RANBP17: variants seen among roughly 807,000 people sequenced by gnomAD.
RANBP17 encodes RAN binding protein 17, also known as ran-binding protein 17.
In RANBP17, 158 loss-of-function variants were observed where a neutral mutation model predicts 141.2. The ratio of observed to expected loss-of-function variants is 1.12; its 90% CI spans 0.98 to 1.28. The LOEUF (loss-of-function observed/expected upper bound fraction) is 1.28, where lower values mean the gene tolerates loss of function less well. RANBP17 is among the 50% of genes most tolerant of loss of function. The pLI, the probability that RANBP17 is intolerant of heterozygous loss-of-function variation, is 0.00. For synonymous variants in RANBP17, 430 were observed against 450.0 expected (o/e 0.96, Z 0.56); for missense variants, 1,438 against 1,290.7 (o/e 1.11, Z -1.75).
intron 14 of RANBP17, among the ~76,000 whole-genome samples, chr5:171,020,437 G>T (rs1024429423): frequency 2.6e-5 from 4 of 152,136 alleles, no homozygotes; most frequent in African/African-American, 4.8e-5. Flanking sequence ...CTCATTTTGT[G>T]AATCTCAGTG....
In RANBP17 at chr5:171,192,403, G is replaced by C. The variant is rs1488241474; in HGVS notation, c.2039-7267G>C. ...GCTAGACAGTCCAGAGCACCCCAGG[G>C]AATGAGATGTTTCATGGATGAGACT... On this transcript the variant is annotated intron_variant, in intron 18 of 27. Coordinates refer to ENST00000523189, the MANE Select transcript of RANBP17 (RefSeq NM_022897.5). 3.3e-5 allele frequency among the ~76,000 whole-genome samples: 5 copies of C among 152,272 alleles called. No individual in the cohort carries two copies. In the East Asian group the frequency reaches 9.6e-4, roughly 29 times the overall value.
At chr5:170,984,549 C>G (rs943711079) in intron 14 of RANBP17, among the ~76,000 whole-genome samples, 1 of 151,940 alleles carries the variant, frequency 6.6e-6, no homozygotes, top group Non-Finnish European at 1.5e-5. Flanking sequence ...TCACTTGAGT[C>G]CAGGAGTTTC....
At chr5:171,037,637 A>T (rs570667898) in intron 14 of RANBP17, among the ~76,000 whole-genome samples, 1 of 152,024 alleles carries the variant, frequency 6.6e-6, no homozygotes, top group African/African-American at 2.4e-5. Context: ...AGCTACATAT[A>T]GCTAGCCAAC....
rs531471981 is a variant in RANBP17 at position 171,115,133 on chromosome 5, G to C, written c.1711-54997G>C. On this transcript the variant is annotated intron_variant, in intron 14 of 27. Coordinates refer to ENST00000523189, the MANE Select transcript of RANBP17 (RefSeq NM_022897.5). ...AAAAAAAACAAAAACTTTATGTTAGGGGAGATAAAAAAAGAAAACAAATGA... is the reference window on the plus strand; with the variant it reads ...AAAAAAAACAAAAACTTTATGTTAGCGGAGATAAAAAAAGAAAACAAATGA... 4.8e-3 allele frequency among the ~76,000 whole-genome samples: 727 copies of C among 152,036 alleles called. 9 individuals are homozygous for C. Among genetic ancestry groups the C allele is most frequent in the African/African-American group, 0.013 (533 of 41,482 alleles).
At position 170,894,449 on chromosome 5, in the gene RANBP17, A is replaced by G. The variant is rs1317799893; in HGVS notation, c.424-1601A>G. Among the ~76,000 whole-genome samples, 9 of 145,594 alleles carry G rather than the reference A, an allele frequency of 6.2e-5. No homozygotes were observed. The South Asian group carries it at 1.8e-3, about 29-fold the overall frequency. ...ATGTTTTAGCTTGAAAGTTTATTAT[A>G]TAATAGTATCACCATAGAATAGTTA... On this transcript the variant is annotated intron_variant, in intron 4 of 27. Transcript: ENST00000523189.
intron 20 of RANBP17, among the ~76,000 whole-genome samples, chr5:171,210,221 A>C (rs1276574423): frequency 6.6e-6 from 1 of 152,148 alleles, no homozygotes; most frequent in African/African-American, 2.4e-5. Context: ...TTAAACTCCT[A>C]GAGTGGGTTC....
chr5:170,944,565 G>A (rs916169575), intron 12 of RANBP17, among the ~76,000 whole-genome samples: 1 of 152,164 alleles, frequency 6.6e-6, no homozygotes, highest in Admixed American at 6.5e-5. Flanking sequence ...ACTGCAACCA[G>A]CTCCAATAAT....
intron 7 of RANBP17, among the ~76,000 whole-genome samples, chr5:170,913,495 A>C (rs1771697064): frequency 6.6e-6 from 1 of 152,094 alleles, no homozygotes. Flanking sequence ...AAGTCCAGCG[A>C]GTATTAGAAA....
chr5:171,001,259 T>G (rs1779183178), intron 14 of RANBP17, among the ~76,000 whole-genome samples: 1 of 152,146 alleles, frequency 6.6e-6, no homozygotes, highest in African/African-American at 2.4e-5. Context: ...GGAGCGTTTG[T>G]CATATCGAAT....
rs1775377232 is a variant in RANBP17, at chr5:170,953,636, T to C, written c.1508T>C (p.Val503Ala). The C allele has an allele frequency of 5.6e-6, 9 of 1,612,252 alleles. No homozygotes were observed. The highest frequency in any genetic ancestry group is 1.1e-5 in the South Asian group (1 of 90,984). ...CTGGTATACTTAGTTGGGACAGTTGTAGGAGGAAGATTAACATATACCAGT... is the reference window on the plus strand; with the variant it reads ...CTGGTATACTTAGTTGGGACAGTTGCAGGAGGAAGATTAACATATACCAGT... ...AWLVYLVGTVVGGRLTYTSTD... is the reference protein window; with the variant it reads ...AWLVYLVGTVAGGRLTYTSTD... The change falls in exon 13 of 28, where the codon GTA (valine) becomes GCA (alanine). Residue 503 changes from valine to alanine, a missense_variant. By Grantham distance (64) the Val-to-Ala change is moderately conservative (BLOSUM62 0). Coordinates refer to ENST00000523189, the MANE Select transcript of RANBP17 (RefSeq NM_022897.5).
Position 171,081,913 on chromosome 5 carries a change from G to A in RANBP17, c.1711-88217G>A, listed in dbSNP as rs187330668. On this transcript the variant is annotated intron_variant, in intron 14 of 27. Coordinates refer to ENST00000523189, the MANE Select transcript of RANBP17 (RefSeq NM_022897.5). ...TTAGAGCAGTCACTTAATGTTTGTC[G>A]TTTTTCATTTCCTTATTAAAACTGA... Among the ~76,000 whole-genome samples the A allele has an allele frequency of 6.6e-5, 10 of 151,996 alleles. No individual in the cohort carries two copies. The East Asian group carries it at 1.9e-3, about 29-fold the overall frequency.
intron 14 of RANBP17, among the ~76,000 whole-genome samples, chr5:171,119,232 T>C (rs536771809): frequency 5.3e-5 from 8 of 152,328 alleles, no homozygotes; most frequent in Middle Eastern, 3.4e-3. Flanking sequence ...TAAATCCCAC[T>C]TGATTATGGT....
chr5:170,936,831 G>A (rs1419476015), intron 12 of RANBP17, among the ~76,000 whole-genome samples: 1 of 152,096 alleles, frequency 6.6e-6, no homozygotes, highest in Non-Finnish European at 1.5e-5. Flanking sequence ...TATGATTGTG[G>A]AATTGTTTAT....
intron 18 of RANBP17, among the ~76,000 whole-genome samples, chr5:171,188,578 A>G (rs1028156592): frequency 6.6e-6 from 1 of 152,232 alleles, no homozygotes; most frequent in African/African-American, 2.4e-5. Context: ...TGCTCTTTTA[A>G]TAACACGGTC....
intron 14 of RANBP17, among the ~76,000 whole-genome samples, chr5:170,982,705 G>C (rs1429360135): frequency 6.6e-6 from 1 of 152,136 alleles, no homozygotes; most frequent in Non-Finnish European, 1.5e-5. Context: ...TGTAGTGAAA[G>C]ATAACAGGTT....
chr5:171,170,772 C>CT (rs1447679245), intron 15 of RANBP17, among the ~76,000 whole-genome samples: 1 of 152,072 alleles, frequency 6.6e-6, no homozygotes, highest in Non-Finnish European at 1.5e-5. Flanking sequence ...ACAACACTGT[C>CT]TTGATTGCAG....
intron 14 of RANBP17, among the ~76,000 whole-genome samples, chr5:171,156,045 G>T (rs916832399): frequency 2.0e-5 from 3 of 152,040 alleles, no homozygotes; most frequent in African/African-American, 7.2e-5. Flanking sequence ...ACACAAAATA[G>T]CTTACTTTCA....
intron 14 of RANBP17, among the ~76,000 whole-genome samples, chr5:171,008,779 G>C (rs912660575): frequency 6.6e-6 from 1 of 152,098 alleles, no homozygotes; most frequent in Non-Finnish European, 1.5e-5. Context: ...GTTGCTTCAG[G>C]CCATCTGGAT....
intron 20 of RANBP17, among the ~76,000 whole-genome samples, chr5:171,209,646 G>A (rs1762763990): frequency 6.6e-6 from 1 of 152,156 alleles, no homozygotes; most frequent in South Asian, 2.1e-4. Flanking sequence ...AGGGCTATAT[G>A]AGCATGTATG....
Sources: allele counts gnomAD v4.1 joint callset (sites outside exome capture counted in the v4.1 genomes callset), GRCh38; gene constraint gnomAD v4.1.1; transcripts MANE v1.5; gene names NCBI Gene and HGNC (gene_info 2026-07-23, HGNC 2026-07-21).